The following SLC12A8 variants were observed in gnomAD, a reference collection of about 807,000 sequenced individuals.
SLC12A8 encodes the protein solute carrier family 12 member 8.
Under a neutral mutation model 75.6 loss-of-function variants are expected in SLC12A8, and 69 were observed. The ratio of observed to expected loss-of-function variants is 0.91; its 90% CI spans 0.75 to 1.11. SLC12A8 has a LOEUF of 1.11. Ranked by LOEUF, SLC12A8 falls within the 50% of genes most tolerant of loss-of-function variation. The probability of loss-of-function intolerance (pLI) is 0.00; values close to 1 mark genes in which losing one functional copy is unlikely to be tolerated. For synonymous variants in SLC12A8, 365 were observed against 372.8 expected, an observed-to-expected ratio of 0.98 and a Z score of 0.24; for missense variants, 877 against 896.7, an observed-to-expected ratio of 0.98 and a Z score of 0.28.
At chr3:125,098,595 C>G (rs866357489) in intron 10 of SLC12A8, among the ~76,000 whole-genome samples, 1 of 146,190 alleles carries the variant, frequency 6.8e-6, no homozygotes, top group Non-Finnish European at 1.5e-5. Context: ...CACACACACA[C>G]GTATAAAACT....
At chr3:125,148,196 C>T (rs1933832128) in intron 5 of SLC12A8, among the ~76,000 whole-genome samples, 1 of 152,364 alleles carries the variant, frequency 6.6e-6, no homozygotes, top group African/African-American at 2.4e-5. Flanking sequence ...AGGACAGCCA[C>T]TTGCCAACTC....
chr3:125,132,612 G>A (rs1054296191), intron 6 of SLC12A8, among the ~76,000 whole-genome samples: 6 of 152,200 alleles, frequency 3.9e-5, no homozygotes, highest in South Asian at 2.1e-4. Context: ...ACAAGTTGAG[G>A]GGTAGGTGAG....
At chr3:125,134,428 T>C (rs1933439229) in intron 6 of SLC12A8, among the ~76,000 whole-genome samples, 1 of 152,188 alleles carries the variant, frequency 6.6e-6, no homozygotes, top group Admixed American at 6.5e-5. Context: ...ATTTTTATTA[T>C]TGAGTGGTTT....
intron 6 of SLC12A8, among the ~76,000 whole-genome samples, chr3:125,132,360 G>A (rs1280702722): frequency 6.6e-6 from 1 of 152,186 alleles, no homozygotes; most frequent in Admixed American, 6.5e-5. Context: ...TCATTTCCAT[G>A]GCCGAGCCTT....
chr3:125,163,969 T>C (rs185893631), intron 5 of SLC12A8, among the ~76,000 whole-genome samples: 17 of 152,364 alleles, frequency 1.1e-4, no homozygotes, highest in Admixed American at 1.0e-3. Flanking sequence ...GGTCCTGAGC[T>C]GAGCGTGTCT....
chr3:125,116,805 A>C (rs1939322117), intron 8 of SLC12A8, among the ~76,000 whole-genome samples: 1 of 152,226 alleles, frequency 6.6e-6, no homozygotes, highest in Admixed American at 6.5e-5. Context: ...GCTGCAGATG[A>C]GCAGGAAGCA....
At chr3:125,189,421 A>C (rs145709280) in intron 3 of SLC12A8, among the ~76,000 whole-genome samples, 1 of 152,312 alleles carries the variant, frequency 6.6e-6, no homozygotes, top group Non-Finnish European at 1.5e-5. Flanking sequence ...CACCCTTCAA[A>C]GCCTGGCTCA....
intron 1 of SLC12A8, among the ~76,000 whole-genome samples, chr3:125,211,885 G>A (rs1935343553): frequency 6.6e-6 from 1 of 152,152 alleles, no homozygotes; most frequent in Non-Finnish European, 1.5e-5. Flanking sequence ...GAGCAGGGCC[G>A]GAGAAGGGTA....
intron 5 of SLC12A8, among the ~76,000 whole-genome samples, chr3:125,152,442 C>T (rs921050292): frequency 6.6e-6 from 1 of 152,172 alleles, no homozygotes; most frequent in South Asian, 2.1e-4. Context: ...TCATTTTTAG[C>T]AATCAGGATT....
At chr3:125,193,703 A>G (rs1980079) in intron 2 of SLC12A8, among the ~76,000 whole-genome samples, 54,983 of 152,060 alleles carry the variant, frequency 0.36, 10,221 homozygotes, top group Non-Finnish European at 0.41. Context: ...TGCATCCCCA[A>G]TTCCTTCCCC....
At chr3:125,198,900 C>T (rs925627619) in intron 2 of SLC12A8, among the ~76,000 whole-genome samples, 1 of 151,852 alleles carries the variant, frequency 6.6e-6, no homozygotes, top group Non-Finnish European at 1.5e-5. Context: ...GCCTCAGCCT[C>T]CCCAGTAGCT....
At chr3:125,101,383 T>C (rs983482780) in intron 10 of SLC12A8, among the ~76,000 whole-genome samples, 1 of 152,254 alleles carries the variant, frequency 6.6e-6, no homozygotes, top group South Asian at 2.1e-4. Flanking sequence ...AATTCATTTG[T>C]TGAATGGACA....
intron 5 of SLC12A8, among the ~76,000 whole-genome samples, chr3:125,164,143 C>T (rs1231850252): frequency 6.6e-6 from 1 of 152,148 alleles, no homozygotes; most frequent in Non-Finnish European, 1.5e-5. Flanking sequence ...GTTCTCAGAC[C>T]CCCTTGATCC....
intron 2 of SLC12A8, among the ~76,000 whole-genome samples, chr3:125,202,650 T>TAAAAA (rs371036226): frequency 0.049 from 7,335 of 149,728 alleles, 324 homozygotes; most frequent in African/African-American, 0.11. Context: ...TTTTTTTTTT[T>TAAAAA]AAATCTGTAT....
intron 4 of SLC12A8, among the ~76,000 whole-genome samples, chr3:125,185,500 C>A (rs1213507154): frequency 6.6e-6 from 1 of 151,634 alleles, no homozygotes; most frequent in East Asian, 1.9e-4. Flanking sequence ...TCAAAAAAAA[C>A]CCAGGACCAG....
At chr3:125,192,240 TCACGGCAGCCCCGTGAGG>T (rs1468479235) in intron 2 of SLC12A8, among the ~76,000 whole-genome samples, 2 of 152,086 alleles carry the variant, frequency 1.3e-5, no homozygotes, top group Non-Finnish European at 2.9e-5. Context: ...GCTCTGCTCC[TCACGGCAGCCCCGTGAGG>T]CAGGCCGGGA....
intron 2 of SLC12A8, among the ~76,000 whole-genome samples, chr3:125,194,828 A>T (rs1354409620): frequency 2.0e-5 from 3 of 152,248 alleles, no homozygotes; most frequent in Non-Finnish European, 2.9e-5. Context: ...TGGCTTTCTG[A>T]AAGTTAATAT....
chr3:125,138,845 A>ACACACACACACAC (rs1933557336), intron 5 of SLC12A8, among the ~76,000 whole-genome samples: 1 of 137,746 alleles, frequency 7.3e-6, no homozygotes, highest in African/African-American at 2.8e-5. Flanking sequence ...CCTTCTACAA[A>ACACACACACACAC]ACACACACAC....
At chr3:125,120,950 C>T (rs1342707088) in intron 6 of SLC12A8, 1 of 675,650 alleles carries the variant, frequency 1.5e-6, no homozygotes, top group Admixed American at 2.5e-5. Flanking sequence ...TACCGCTCAG[C>T]GCAAAGCAAC....
Sources: gnomAD v4.1 joint callset for allele counts (sites outside exome capture counted in the v4.1 genomes callset) on GRCh38, gnomAD v4.1.1 for gene constraint, MANE v1.5 for transcripts, NCBI Gene and HGNC (gene_info 2026-07-23, HGNC 2026-07-21) for gene names.